The following SLC29A3 variants were observed in gnomAD, a reference collection of about 807,000 sequenced individuals.
SLC29A3 encodes the protein equilibrative nucleoside transporter 3.
In SLC29A3, 18 loss-of-function variants were observed where a neutral mutation model predicts 25.4. The ratio of observed to expected loss-of-function variants is 0.71; its 90% CI spans 0.49 to 1.05. SLC29A3 has a LOEUF of 1.05. Among genes scored for constraint, SLC29A3 ranks in the 50% least tolerant of loss-of-function variants. The pLI, the probability that SLC29A3 is intolerant of heterozygous loss-of-function variation, is 0.00. For missense variants in SLC29A3, 586 were observed against 609.0 expected (o/e 0.96, Z 0.40); for synonymous variants, 258 against 267.1 (o/e 0.97, Z 0.33).
At chr10:71,337,805 C>T (rs780660) in intron 2 of SLC29A3, among the ~76,000 whole-genome samples, 1 of 151,986 alleles carries the variant, frequency 6.6e-6, no homozygotes, top group Non-Finnish European at 1.5e-5. Flanking sequence ...CAGAAGAGAC[C>T]CTTAGCACGG....
At chr10:71,341,204 T>C (rs1846398506) in intron 2 of SLC29A3, among the ~76,000 whole-genome samples, 1 of 152,068 alleles carries the variant, frequency 6.6e-6, no homozygotes, top group African/African-American at 2.4e-5. Flanking sequence ...GTGGGGTCTC[T>C]CTGTGGGGGT....
intron 4 of SLC29A3, among the ~76,000 whole-genome samples, chr10:71,379,058 C>G (rs904641700): frequency 2.0e-5 from 3 of 152,202 alleles, no homozygotes; most frequent in Non-Finnish European, 4.4e-5. Flanking sequence ...TCTGCTTCAC[C>G]CTCACAATGC....
chr10:71,376,939 C>T (rs1847256622), intron 4 of SLC29A3, among the ~76,000 whole-genome samples: 1 of 152,140 alleles, frequency 6.6e-6, no homozygotes, highest in Non-Finnish European at 1.5e-5. Flanking sequence ...CCACGCCCGG[C>T]TAATTTTTAT....
At chr10:71,348,214 G>A (rs1202035963) in intron 3 of SLC29A3, among the ~76,000 whole-genome samples, 3 of 152,256 alleles carry the variant, frequency 2.0e-5, no homozygotes, top group Admixed American at 2.0e-4. Context: ...GGGAGAACAA[G>A]GCAGGGCTCT....
intron 2 of SLC29A3, among the ~76,000 whole-genome samples, chr10:71,331,787 A>G (rs1846123533): frequency 6.6e-6 from 1 of 152,198 alleles, no homozygotes; most frequent in Non-Finnish European, 1.5e-5. Context: ...ACAGAGGAGG[A>G]AAGTAGAGAC....
rs746978554 is a variant in SLC29A3, at chr10:71,344,244, C to T, written c.336C>T (p.Thr112=). 9.9e-6 allele frequency: 16 copies of T among 1,614,194 alleles called. No individual in the cohort carries two copies. Among genetic ancestry groups the T allele is most frequent in the East Asian group, 4.5e-5 (2 of 44,874 alleles). The part of the protein sequence containing the change: ...YFESYLAVAS[T]VPSMLCLVAN... ...AGAGCTACCTTGCCGTTGCCTCCAC[C>T]GTGCCCTCCATGCTGTGCCTGGTGG... is the stretch of plus-strand genomic sequence containing the variant. The change falls in exon 3 of 6, where the codon ACC becomes ACT. Residue 112 remains threonine, a synonymous_variant. Transcript: ENST00000373189.
intron 3 of SLC29A3, among the ~76,000 whole-genome samples, chr10:71,346,437 A>C (rs371396731): frequency 6.6e-6 from 1 of 152,158 alleles, no homozygotes; most frequent in Admixed American, 6.5e-5. Context: ...AGTGGCTCAA[A>C]CCTGTAATCT....
intron 4 of SLC29A3, among the ~76,000 whole-genome samples, chr10:71,355,123 TCA>T (rs1846867442): frequency 6.6e-6 from 1 of 152,184 alleles, no homozygotes; most frequent in East Asian, 1.9e-4. Flanking sequence ...TGTGAACATC[TCA>T]GTCAGTCCTC....
At chr10:71,331,609 A>G (rs758695343) in intron 2 of SLC29A3, among the ~76,000 whole-genome samples, 2 of 152,242 alleles carry the variant, frequency 1.3e-5, no homozygotes, top group Non-Finnish European at 2.9e-5. Flanking sequence ...TTAGTAAGAA[A>G]GAAGGCAACA....
chr10:71,322,045 T>G (rs2131795524), intron 1 of SLC29A3, among the ~76,000 whole-genome samples: 1 of 152,338 alleles, frequency 6.6e-6, no homozygotes, highest in South Asian at 2.1e-4. Flanking sequence ...AAATTTACAC[T>G]TTTAATTTTG....
chr10:71,357,363 T>C (rs1846942151), intron 5 of SLC29A3, among the ~76,000 whole-genome samples: 1 of 151,714 alleles, frequency 6.6e-6, no homozygotes, highest in Non-Finnish European at 1.5e-5. Context: ...TGCAGTGAGC[T>C]GAGATCGCAC....
At position 71,319,282 on chromosome 10, in the gene SLC29A3, GGCAGCGGCGGCGTGGC is replaced by G. The variant is rs1000157747; in HGVS notation, c.-18_-3del. 1.4e-5 allele frequency: 9 copies of G among 628,106 alleles called. No homozygotes were observed. The Admixed American group carries it at 2.0e-4, about 14-fold the overall frequency. The allele number at this position is 628,106 out of a possible 1,614,324, so 38.9% of individuals were successfully genotyped here. On this transcript the variant is annotated 5_prime_UTR_variant, in exon 1 of 6. Coordinates refer to ENST00000373189, the MANE Select transcript of SLC29A3 (RefSeq NM_018344.6). ...CCAGTGGTCCTGGCCGTGCGCCGGA[GGCAGCGGCGGCGTGGC>G]GCAGCGGCGACAGTAAGTGCGGGCC... is the stretch of plus-strand genomic sequence containing the variant.
intron 2 of SLC29A3, among the ~76,000 whole-genome samples, chr10:71,333,779 C>T (rs1366915845): frequency 2.0e-5 from 3 of 152,246 alleles, no homozygotes; most frequent in Non-Finnish European, 1.5e-5. Flanking sequence ...GCCCGAGCAT[C>T]AGCAGTGGCT....
At chr10:71,334,196 G>C (rs961838112) in intron 2 of SLC29A3, among the ~76,000 whole-genome samples, 3 of 152,358 alleles carry the variant, frequency 2.0e-5, no homozygotes, top group Admixed American at 6.5e-5. Flanking sequence ...TTCCCGCAAA[G>C]GGCCAGATGG....
chr10:71,345,610 GAGA>G (rs764145330), intron 3 of SLC29A3, among the ~76,000 whole-genome samples: 39 of 152,236 alleles, frequency 2.6e-4, no homozygotes, highest in Non-Finnish European at 4.3e-4. Context: ...CTGGAAGAAT[GAGA>G]AGGAGAGGGG....
In SLC29A3 at chr10:71,362,590, C is replaced by T; in HGVS notation, c.1410C>T (p.Leu470=). ...GLTLGSACST[L]LVHLI The stretch of plus-strand genomic sequence containing the variant: ...CACTGGGCTCAGCCTGCTCTACCCT[C>T]CTGGTGCACCTCATCTAGAAGGGAG... Residue 470 remains leucine, a synonymous_variant, in exon 6 of 6, where the codon CTC becomes CTT. Transcript: ENST00000373189. The T allele has an allele frequency of 6.2e-7, 1 of 1,614,194 alleles. No homozygotes were observed. Among genetic ancestry groups the T allele is most frequent in the Non-Finnish European group, 8.5e-7 (1 of 1,180,050 alleles).
intron 2 of SLC29A3, among the ~76,000 whole-genome samples, chr10:71,329,805 A>T (rs1189079847): frequency 6.6e-6 from 1 of 152,232 alleles, no homozygotes; most frequent in East Asian, 1.9e-4. Context: ...CCTCCACTAG[A>T]GTACCCATTA....
rs184814287 is a variant in SLC29A3, at chr10:71,334,654, G to A, written c.301-9555G>A. ...CATCTCTGAGTATTTGTGGAGAGGA[G>A]ACAGGGACAGGAGGAAGAACCGCCA... On this transcript the variant is annotated intron_variant, in intron 2 of 5. Coordinates refer to ENST00000373189, the MANE Select transcript of SLC29A3 (RefSeq NM_018344.6). Among the ~76,000 whole-genome samples the A allele has an allele frequency of 6.1e-4, 93 of 152,282 alleles. 1 individual carries two copies. The highest frequency in any genetic ancestry group is 6.1e-3 in the Admixed American group (93 of 15,308).
At chr10:71,360,331 G>A (rs1055318244) in intron 5 of SLC29A3, among the ~76,000 whole-genome samples, 2 of 151,782 alleles carry the variant, frequency 1.3e-5, no homozygotes, top group African/African-American at 4.8e-5. Flanking sequence ...TTTAGTAGAG[G>A]TGGGGTTTCA....
Sources: allele counts gnomAD v4.1 joint callset (sites outside exome capture counted in the v4.1 genomes callset), GRCh38; gene constraint gnomAD v4.1.1; transcripts MANE v1.5; gene names NCBI Gene and HGNC (gene_info 2026-07-23, HGNC 2026-07-21).